GALNTL6: variants seen among roughly 807,000 people sequenced by gnomAD.
GALNTL6 encodes the protein polypeptide N-acetylgalactosaminyltransferase like 6.
A neutral mutation model predicts 73.7 loss-of-function variants in GALNTL6; 46 were observed. The ratio of observed to expected loss-of-function variants is 0.62; its 90% CI spans 0.49 to 0.80. The LOEUF (loss-of-function observed/expected upper bound fraction) is 0.80. GALNTL6 is among the 30% of genes least tolerant of loss of function. The probability of loss-of-function intolerance (pLI) is 0.00; values close to 1 mark genes in which losing one functional copy is unlikely to be tolerated. For missense variants in GALNTL6, 604 were observed against 755.0 expected, an observed-to-expected ratio of 0.80 and a Z score of 2.34; for synonymous variants, 259 against 263.7, an observed-to-expected ratio of 0.98 and a Z score of 0.17.
intron 2 of GALNTL6, among the ~76,000 whole-genome samples, chr4:172,156,914 T>C (rs1354409339): frequency 6.6e-6 from 1 of 152,124 alleles, no homozygotes; most frequent in East Asian, 1.9e-4. Flanking sequence ...TTGTTATATA[T>C]ATGCTTATTA....
chr4:172,127,939 C>A (rs1733349587), intron 2 of GALNTL6, among the ~76,000 whole-genome samples: 1 of 151,880 alleles, frequency 6.6e-6, no homozygotes. Context: ...CCCGTCTCTA[C>A]TTAAAAAATA....
At position 172,280,989 on chromosome 4, in the gene GALNTL6, T is replaced by A. The variant is rs2111078754; in HGVS notation, c.248-30625T>A. Among the ~76,000 whole-genome samples the A allele has an allele frequency of 1.3e-5, 2 of 149,784 alleles. 1 individual carries two copies. Among genetic ancestry groups the A allele is most frequent in the African/African-American group, 4.9e-5 (2 of 40,498 alleles). On this transcript the variant is annotated intron_variant, in intron 3 of 12. Transcript: ENST00000506823. ...TCCTGGCTAACGTGGTGAAACCCCA[T>A]CTCTACTAAAAAATACAAAAAAAAA...
chr4:172,811,699 G>C (rs72998188), intron 6 of GALNTL6, among the ~76,000 whole-genome samples: 1,612 of 152,164 alleles, frequency 0.011, 25 homozygotes, highest in African/African-American at 0.034. Flanking sequence ...ACTAAAGTAA[G>C]ACAAAGCCCA....
At chr4:172,869,058 A>G (rs1370072392) in intron 7 of GALNTL6, among the ~76,000 whole-genome samples, 1 of 152,146 alleles carries the variant, frequency 6.6e-6, no homozygotes, top group Non-Finnish European at 1.5e-5. Context: ...ACTAGATCTA[A>G]TTCCAAATAA....
chr4:172,912,967 T>A (rs1444920498), intron 8 of GALNTL6, among the ~76,000 whole-genome samples: 1 of 152,132 alleles, frequency 6.6e-6, no homozygotes, highest in Non-Finnish European at 1.5e-5. Context: ...CACCTCCCAG[T>A]AGGGGCCGAC....
In GALNTL6 at chr4:171,997,714, C is replaced by A. The variant is rs547317499; in HGVS notation, c.138+182996C>A. ...TTTCATAAGGAATACAAGTAATAGCCCAAATAAACATCTTAAGGAAAGAAC... is the reference window on the plus strand; with the variant it reads ...TTTCATAAGGAATACAAGTAATAGCACAAATAAACATCTTAAGGAAAGAAC... On this transcript the variant is annotated intron_variant, in intron 2 of 12. Transcript: ENST00000506823. 2.0e-5 allele frequency among the ~76,000 whole-genome samples: 3 copies of A among 151,826 alleles called. No individual in the cohort carries two copies. In the South Asian group the frequency reaches 6.2e-4, roughly 32 times the overall value.
Position 172,644,092 on chromosome 4 carries a change from G to A in GALNTL6, c.554-165269G>A, listed in dbSNP as rs544633305. Among the ~76,000 whole-genome samples the A allele has an allele frequency of 2.9e-4, 44 of 151,872 alleles. No homozygotes were observed. The South Asian group carries it at 9.1e-3, about 32-fold the overall frequency. On this transcript the variant is annotated intron_variant, in intron 5 of 12. Transcript: ENST00000506823. ...TTATTTTAGTTATTTTGGGGTATGTGTAATGGTATCATATTGGTTTGATTT... is the reference window on the plus strand; with the variant it reads ...TTATTTTAGTTATTTTGGGGTATGTATAATGGTATCATATTGGTTTGATTT...
At chr4:173,039,039 C>G (rs1753802402) in intron 12 of GALNTL6, among the ~76,000 whole-genome samples, 2 of 152,152 alleles carry the variant, frequency 1.3e-5, no homozygotes, top group Admixed American at 1.3e-4. Context: ...TTTAGCATTA[C>G]CTTTTCCCCA....
At chr4:172,405,429 ATATATATATATATATTTTT>A (rs1330104436) in intron 5 of GALNTL6, among the ~76,000 whole-genome samples, 98 of 16,090 alleles carry the variant, frequency 6.1e-3, no homozygotes, top group African/African-American at 0.011. Context: ...ATATATATAT[ATATATATATATATATTTTT>A]TTTTTTTTTT....
At chr4:172,747,478 CA>C (rs768343932) in intron 5 of GALNTL6, among the ~76,000 whole-genome samples, 3 of 152,094 alleles carry the variant, frequency 2.0e-5, no homozygotes, top group Non-Finnish European at 2.9e-5. Context: ...TATCACCTCA[CA>C]TCTGTCAGAC....
intron 4 of GALNTL6, among the ~76,000 whole-genome samples, chr4:172,346,638 T>C (rs1741749588): frequency 6.6e-6 from 1 of 152,254 alleles, no homozygotes; most frequent in African/African-American, 2.4e-5. Context: ...TTTGTCTTTC[T>C]GTATCTCTCA....
intron 2 of GALNTL6, among the ~76,000 whole-genome samples, chr4:171,925,808 C>T (rs1464934227): frequency 6.6e-6 from 1 of 152,022 alleles, no homozygotes; most frequent in Non-Finnish European, 1.5e-5. Flanking sequence ...AAACTCTGAG[C>T]TACTTTTACT....
chr4:172,205,763 T>G (rs939915355), intron 2 of GALNTL6, among the ~76,000 whole-genome samples: 1 of 152,226 alleles, frequency 6.6e-6, no homozygotes, highest in Non-Finnish European at 1.5e-5. Flanking sequence ...AAGTTCCCTC[T>G]GAAGTGCACA....
At chr4:171,984,520 G>A (rs1484296408) in intron 2 of GALNTL6, among the ~76,000 whole-genome samples, 1 of 152,036 alleles carries the variant, frequency 6.6e-6, no homozygotes, top group East Asian at 1.9e-4. Context: ...TTTTGTAGCG[G>A]GACTTTGGGT....
Position 173,033,313 on chromosome 4 carries a change from A to G in GALNTL6, c.1639-6620A>G, listed in dbSNP as rs373390365. Among the ~76,000 whole-genome samples, 7 of 149,348 alleles carry G rather than the reference A, an allele frequency of 4.7e-5. No individual in the cohort carries two copies. In the East Asian group the frequency reaches 6.1e-4, roughly 13 times the overall value. ...CCACTGTGCCCAGCCAAGAAACATT[A>G]TTTCTGATTGGCCAAATTAACCACT... On this transcript the variant is annotated intron_variant, in intron 12 of 12. Transcript: ENST00000506823.
chr4:171,987,559 G>A (rs4608759), intron 2 of GALNTL6, among the ~76,000 whole-genome samples: 106,654 of 152,042 alleles, frequency 0.7, 37,473 homozygotes, highest in South Asian at 0.86. Context: ...AGTCCTGGGC[G>A]GGGGCAAATC....
chr4:172,580,517 A>T (rs183614606), intron 5 of GALNTL6, among the ~76,000 whole-genome samples: 38 of 152,282 alleles, frequency 2.5e-4, no homozygotes, highest in African/African-American at 8.9e-4. Context: ...AAAAATTTAT[A>T]TTCTTTTCTT....
chr4:172,512,832 C>G (rs952844333), intron 5 of GALNTL6, among the ~76,000 whole-genome samples: 1 of 152,154 alleles, frequency 6.6e-6, no homozygotes, highest in Non-Finnish European at 1.5e-5. Context: ...GATAGGTTTT[C>G]CTTTATAGGT....
At chr4:172,702,667 C>T (rs553503542) in intron 5 of GALNTL6, among the ~76,000 whole-genome samples, 23 of 152,122 alleles carry the variant, frequency 1.5e-4, no homozygotes, top group Admixed American at 7.9e-4. Context: ...GAGTCCCTCC[C>T]TCCATGTGAG....
Sources: allele counts gnomAD v4.1 joint callset (sites outside exome capture counted in the v4.1 genomes callset), GRCh38; gene constraint gnomAD v4.1.1; transcripts MANE v1.5; gene names NCBI Gene and HGNC (gene_info 2026-07-23, HGNC 2026-07-21).